The following EBF1 variants were observed in gnomAD, a reference collection of about 807,000 sequenced individuals.
The protein encoded by EBF1 is EBF transcription factor 1, also known as transcription factor COE1.
In EBF1, 10 loss-of-function variants were observed where a neutral mutation model predicts 68.4. That is an observed-to-expected ratio of 0.15 (90% CI 0.09 to 0.25). The LOEUF (loss-of-function observed/expected upper bound fraction) is 0.25. EBF1 is among the 10% of genes least tolerant of loss of function. The pLI, the probability that EBF1 is intolerant of heterozygous loss-of-function variation, is 1.00. For synonymous variants in EBF1, 298 were observed against 299.8 expected, an observed-to-expected ratio of 0.99 and a Z score of 0.06; for missense variants, 509 against 794.4, an observed-to-expected ratio of 0.64 and a Z score of 4.32.
At chr5:158,857,365 A>C (rs1794235771) in intron 6 of EBF1, among the ~76,000 whole-genome samples, 1 of 152,002 alleles carries the variant, frequency 6.6e-6, no homozygotes, top group Non-Finnish European at 1.5e-5. Context: ...CTTCTGCTAC[A>C]ATTATTATGT....
intron 10 of EBF1, among the ~76,000 whole-genome samples, chr5:158,736,937 C>CATTTGGAT (rs1472226934): frequency 6.6e-6 from 1 of 152,196 alleles, no homozygotes; most frequent in Non-Finnish European, 1.5e-5. Context: ...CATTTCCAGC[C>CATTTGGAT]ATTTGGATAT....
At chr5:158,913,294 A>T (rs1806418996) in intron 6 of EBF1, among the ~76,000 whole-genome samples, 1 of 152,222 alleles carries the variant, frequency 6.6e-6, no homozygotes, top group Non-Finnish European at 1.5e-5. Context: ...TAAAACTTGC[A>T]TTGAAAATTA....
At position 159,032,963 on chromosome 5, in the gene EBF1, T is replaced by C. The variant is rs563038912; in HGVS notation, c.554+40433A>G. Among the ~76,000 whole-genome samples, 427 of 152,200 alleles carry C rather than the reference T, an allele frequency of 2.8e-3. 2 individuals carry two copies. The highest frequency in any genetic ancestry group is 4.7e-3 in the Non-Finnish European group (320 of 68,000). On this transcript the variant is annotated intron_variant, in intron 6 of 15. Transcript: ENST00000313708. ...AAAAAAAAAATCAAGTATTCTATTC[T>C]GTCTCTCTTTCCCTCCTCTACCTTC... is the stretch of plus-strand genomic sequence containing the variant.
chr5:158,811,961 G>A (rs1445026644), intron 8 of EBF1, among the ~76,000 whole-genome samples: 1 of 152,090 alleles, frequency 6.6e-6, no homozygotes, highest in Non-Finnish European at 1.5e-5. Flanking sequence ...ACTTGGCTGA[G>A]TCCCCCAGTT....
chr5:158,969,909 AAAG>A (rs1247002119), intron 6 of EBF1, among the ~76,000 whole-genome samples: 1 of 102,444 alleles, frequency 9.8e-6, no homozygotes, highest in African/African-American at 3.8e-5. Flanking sequence ...AGAAAGAAAG[AAAG>A]AAAGAAAAAA....
In EBF1 at chr5:158,708,133, G is replaced by C; in HGVS notation, c.1590C>G (p.Leu530=). 6.3e-7 allele frequency: 1 copy of C among 1,588,414 alleles called. No individual in the cohort carries two copies. The highest frequency in any genetic ancestry group is 8.6e-7 in the Non-Finnish European group (1 of 1,167,008). Residue 530 remains leucine, a synonymous_variant, in exon 15 of 16, where the codon CTC becomes CTG. Transcript: ENST00000313708. ...CCGAGGAGCTGCTGCAGTTGGAGGGGAGGCTTGTGGAGGAGGCCATGGTGG... is the reference window on the plus strand; with the variant it reads ...CCGAGGAGCTGCTGCAGTTGGAGGGCAGGCTTGTGGAGGAGGCCATGGTGG... The part of the protein sequence containing the change: ...SSPTMASSTS[L]PSNCSSSSGI...
chr5:158,845,719 A>AG (rs34924261), intron 6 of EBF1, among the ~76,000 whole-genome samples: 6 of 137,204 alleles, frequency 4.4e-5, no homozygotes, highest in African/African-American at 1.3e-4. Flanking sequence ...AAAAAAAAAA[A>AG]GAAGAAGAAA....
At position 158,983,508 on chromosome 5, in the gene EBF1, T is replaced by C. The variant is rs187214706; in HGVS notation, c.554+89888A>G. 235 of 152,304 alleles carry C rather than the reference T, an allele frequency of 1.5e-3. 2 individuals are homozygous for C. Among genetic ancestry groups the C allele is most frequent in the African/African-American group, 5.5e-3 (229 of 41,552 alleles). 9.4% of individuals were successfully genotyped at this position (152,304 alleles called of 1,614,324 possible). A position where few individuals can be genotyped will look rare whatever the true frequency, so the allele number is the denominator to read the frequency against. ...GGGAAACTATAGGACAAACCTGAAC[T>C]AATTAAGCAATAAGCTCAAAGACTA... On this transcript the variant is annotated intron_variant, in intron 6 of 15. Transcript: ENST00000313708.
intron 6 of EBF1, among the ~76,000 whole-genome samples, chr5:158,969,054 A>C (rs7380908): frequency 0.76 from 115,168 of 152,134 alleles, 44,087 homozygotes; most frequent in South Asian, 0.89. Flanking sequence ...GTAATCCCAG[A>C]ACTTTGGGAG....
intron 8 of EBF1, among the ~76,000 whole-genome samples, chr5:158,810,590 G>A (rs1385072735): frequency 6.6e-6 from 1 of 152,154 alleles, no homozygotes; most frequent in Non-Finnish European, 1.5e-5. Flanking sequence ...CCCCAGAACT[G>A]TGGATGAAAA....
At chr5:158,848,726 GT>G (rs1320590606) in intron 6 of EBF1, among the ~76,000 whole-genome samples, 1 of 152,200 alleles carries the variant, frequency 6.6e-6, no homozygotes, top group Non-Finnish European at 1.5e-5. Context: ...ATATCTCCTT[GT>G]TCAGTACATA....
At chr5:158,994,328 T>C (rs1760979996) in intron 6 of EBF1, among the ~76,000 whole-genome samples, 2 of 152,246 alleles carry the variant, frequency 1.3e-5, no homozygotes, top group South Asian at 2.1e-4. Context: ...GGGTACTGTG[T>C]ACAGTGGCTT....
intron 6 of EBF1, among the ~76,000 whole-genome samples, chr5:159,021,010 T>G (rs903859678): frequency 6.6e-6 from 1 of 152,252 alleles, no homozygotes; most frequent in Non-Finnish European, 1.5e-5. Flanking sequence ...CCGAGAAGAC[T>G]CGCTCCGGGG....
At chr5:158,856,210 A>G (rs759087331) in intron 6 of EBF1, among the ~76,000 whole-genome samples, 9 of 152,152 alleles carry the variant, frequency 5.9e-5, no homozygotes, top group Non-Finnish European at 1.2e-4. Flanking sequence ...CCGCACCCCA[A>G]TTTAAGCCAA....
chr5:158,807,371 A>T (rs943865892), intron 8 of EBF1, among the ~76,000 whole-genome samples: 4 of 152,280 alleles, frequency 2.6e-5, no homozygotes, highest in African/African-American at 7.2e-5. Context: ...CAAAAGGAAG[A>T]TGATTTCTGA....
At chr5:158,941,146 G>A in intron 6 of EBF1, 1 of 455,192 alleles carries the variant, frequency 2.2e-6, no homozygotes, top group African/African-American at 2.0e-5. Flanking sequence ...TGGCACGTGG[G>A]GCTTTTCTGT....
chr5:159,007,303 T>C (rs1189554965), intron 6 of EBF1, among the ~76,000 whole-genome samples: 1 of 152,186 alleles, frequency 6.6e-6, no homozygotes, highest in Admixed American at 6.5e-5. Flanking sequence ...AAAAACTTTA[T>C]ATGCCTAAAT....
chr5:158,825,190 A>G (rs1470059691), intron 7 of EBF1, among the ~76,000 whole-genome samples: 1 of 152,244 alleles, frequency 6.6e-6, no homozygotes, highest in Non-Finnish European at 1.5e-5. Flanking sequence ...AATTTAAAAG[A>G]AAGAAGAAGA....
chr5:158,797,663 C>T (rs1561955215), intron 8 of EBF1, among the ~76,000 whole-genome samples: 1 of 152,164 alleles, frequency 6.6e-6, no homozygotes, highest in Admixed American at 6.5e-5. Flanking sequence ...AAGTCCAGCC[C>T]GGTGGGACCA....
Sources: gnomAD v4.1 joint callset for allele counts (sites outside exome capture counted in the v4.1 genomes callset) on GRCh38, gnomAD v4.1.1 for gene constraint, MANE v1.5 for transcripts, NCBI Gene and HGNC (gene_info 2026-07-23, HGNC 2026-07-21) for gene names.